Variants in OGFRL1 observed in about 807,000 individuals in gnomAD.
OGFRL1 encodes the protein opioid growth factor receptor-like protein 1.
In OGFRL1, 26 loss-of-function variants were observed where a neutral mutation model predicts 32.4. That is an observed-to-expected ratio of 0.80 (90% CI 0.59 to 1.11). OGFRL1 has a LOEUF of 1.11. Among genes scored for constraint, OGFRL1 ranks in the 50% most tolerant of loss-of-function variants. The pLI is 0.00. For synonymous variants in OGFRL1, 211 were observed against 201.2 expected, an observed-to-expected ratio of 1.05 and a Z score of -0.41; for missense variants, 521 against 546.4, an observed-to-expected ratio of 0.95 and a Z score of 0.46.
intron 1 of OGFRL1, among the ~76,000 whole-genome samples, chr6:71,290,594 T>A (rs1766020039): frequency 6.6e-6 from 1 of 152,244 alleles, no homozygotes; most frequent in Non-Finnish European, 1.5e-5. Context: ...TTTTAATGAT[T>A]AATTTTTCTT....
chr6:71,300,317 T>C (rs1377986663), intron 6 of OGFRL1, among the ~76,000 whole-genome samples: 1 of 152,292 alleles, frequency 6.6e-6, no homozygotes, highest in East Asian at 1.9e-4. Context: ...AAAGCAAAGA[T>C]TGAGCTGAGT....
Position 71,303,103 on chromosome 6 carries a change from A to G in OGFRL1, c.*1054A>G, listed in dbSNP as rs567001568. The G allele has an allele frequency of 6.6e-6, 1 of 152,362 alleles. No homozygotes were observed. Among genetic ancestry groups the G allele is most frequent in the South Asian group, 2.1e-4 (1 of 4,828 alleles). The allele number at this position is 152,362 out of a possible 1,614,324, so 9.4% of individuals were successfully genotyped here. A position where few individuals can be genotyped will look rare whatever the true frequency, so the allele number is the denominator to read the frequency against. ...TTTGTTGGAAAAAATGGATGGTTAC[A>G]TCTCTACTAAATATGTGCAGTCCTT... On this transcript the variant is annotated 3_prime_UTR_variant, in exon 7 of 7. Coordinates refer to ENST00000370435, the MANE Select transcript of OGFRL1 (RefSeq NM_024576.5).
intron 1 of OGFRL1, among the ~76,000 whole-genome samples, chr6:71,292,952 T>C (rs1561946576): frequency 6.6e-6 from 1 of 152,230 alleles, no homozygotes; most frequent in Admixed American, 6.5e-5. Context: ...ATCACTTGCA[T>C]AATCATCTGG....
chr6:71,289,834 T>G, intron 1 of OGFRL1: 1 of 983,190 alleles, frequency 1.0e-6, no homozygotes, highest in South Asian at 4.7e-5. Flanking sequence ...ATAAGCCCCT[T>G]AACCTCTGAT....
chr6:71,294,774 T>TCA (rs1766151975), intron 3 of OGFRL1, among the ~76,000 whole-genome samples: 1 of 152,174 alleles, frequency 6.6e-6, no homozygotes, highest in Admixed American at 6.5e-5. Flanking sequence ...ATTCATTTTG[T>TCA]TAGGACTTGG....
At position 71,297,141 on chromosome 6, in the gene OGFRL1, G is replaced by A. The variant is rs574701797; in HGVS notation, c.692+324G>A. ...TTCTTTGAGTTTATTGTTATTGCTT[G>A]TGTACAATTCTGTGTATTCCTTCTT... On this transcript the variant is annotated intron_variant, in intron 6 of 6. Transcript: ENST00000370435. 2.4e-4 allele frequency among the ~76,000 whole-genome samples: 37 copies of A among 152,222 alleles called. 1 individual carries two copies. The South Asian group carries it at 3.3e-3, about 14-fold the overall frequency.
chr6:71,302,095 C>A lies in OGFRL1; in HGVS notation c.*46C>A. On this transcript the variant is annotated 3_prime_UTR_variant, in exon 7 of 7. Coordinates refer to ENST00000370435, the MANE Select transcript of OGFRL1 (RefSeq NM_024576.5). The stretch of plus-strand genomic sequence containing the variant: ...CCAGTTTAGGCTAGAGAGGAAAAAA[C>A]TACTGTATCATTTATCCTAAAGAAC... 7.0e-7 allele frequency: 1 copy of A among 1,428,876 alleles called. No individual in the cohort carries two copies. The highest frequency in any genetic ancestry group is 9.2e-7 in the Non-Finnish European group (1 of 1,086,558). The allele number at this position is 1,428,876 out of a possible 1,614,324, so 88.5% of individuals were successfully genotyped here.
At chr6:71,291,236 A>G (rs1299300411) in intron 1 of OGFRL1, 1 of 152,270 alleles carries the variant, frequency 6.6e-6, no homozygotes, top group Non-Finnish European at 1.5e-5. Context: ...TTGGGAGGTC[A>G]CCTGAGGTGA....
Position 71,301,499 on chromosome 6 carries a change from A to C in OGFRL1, c.806A>C (p.Glu269Ala). 3 of 1,613,980 alleles carry C rather than the reference A, an allele frequency of 1.9e-6. No individual in the cohort carries two copies. Among genetic ancestry groups the C allele is most frequent in the Non-Finnish European group, 2.5e-6 (3 of 1,179,954 alleles). ...TTTATTCTTCATGAAGCTCTTGTGG[A>C]GAATACTATTCCCAATATTAAGCAG... is the stretch of plus-strand genomic sequence containing the variant. ...VKFILHEALVENTIPNIKQSA... is the reference protein window; with the variant it reads ...VKFILHEALVANTIPNIKQSA... Residue 269 changes from glutamate (E) to alanine (A), a missense_variant, in exon 7 of 7, where the codon GAG becomes GCG. Coordinates refer to ENST00000370435, the MANE Select transcript of OGFRL1 (RefSeq NM_024576.5).
rs1766508017 is a variant in OGFRL1, at chr6:71,305,073, T to C, written c.*3024T>C. ...TTGCAGAAATTCATTGAGAAGCTGT[T>C]ATAAAAAATGCAGTGAAGCATGACC... On this transcript the variant is annotated 3_prime_UTR_variant, in exon 7 of 7. Transcript: ENST00000370435. 6.6e-6 allele frequency: 1 copy of C among 152,066 alleles called. No individual in the cohort carries two copies. The highest frequency in any genetic ancestry group is 2.4e-5 in the African/African-American group (1 of 41,462). The allele number at this position is 152,066 out of a possible 1,614,324, so 9.4% of individuals were successfully genotyped here. A position where few individuals can be genotyped will look rare whatever the true frequency, so the allele number is the denominator to read the frequency against.
At chr6:71,297,154 T>C (rs889091139) in intron 6 of OGFRL1, among the ~76,000 whole-genome samples, 2 of 152,188 alleles carry the variant, frequency 1.3e-5, no homozygotes, top group African/African-American at 4.8e-5. Context: ...TACAATTCTG[T>C]GTATTCCTTC....
At position 71,296,398 on chromosome 6, in the gene OGFRL1, C is replaced by A; in HGVS notation, c.479+3C>A. 6.2e-7 allele frequency: 1 copy of A among 1,608,836 alleles called. No homozygotes were observed. The highest frequency in any genetic ancestry group is 1.1e-5 in the South Asian group (1 of 90,720). On this transcript the variant is annotated splice_donor_region_variant and intron_variant, in intron 4 of 6. Transcript: ENST00000370435. ...CACAACCACACTTACATTCAATGGT[C>A]AGTTACATATTATCTATCTTGAACC...
chr6:71,297,174 G>A (rs1442467474), intron 6 of OGFRL1, among the ~76,000 whole-genome samples: 1 of 152,054 alleles, frequency 6.6e-6, no homozygotes, highest in Non-Finnish European at 1.5e-5. Context: ...CTTGTAGGCT[G>A]TAAGCTTCTT....
intron 1 of OGFRL1, 116 bp from the exon 2 acceptor site, chr6:71,293,177 G>C (rs1766098382): frequency 2.7e-6 from 2 of 744,744 alleles, no homozygotes; most frequent in Non-Finnish European, 4.6e-6. Flanking sequence ...CATTAATCTG[G>C]ACAGATTGAC....
chr6:71,301,801 C>T lies in OGFRL1; in HGVS notation c.1108C>T (p.Pro370Ser), dbSNP rs1766403588. 1 of 1,613,344 alleles carries T rather than the reference C, an allele frequency of 6.2e-7. No individual in the cohort carries two copies. The highest frequency in any genetic ancestry group is 8.5e-7 in the Non-Finnish European group (1 of 1,179,872). ...SKTAEDKKVA[P>S]KEPVEETDRP... ...AACAGCTGAAGACAAAAAAGTGGCA[C>T]CAAAAGAGCCTGTGGAAGAGACAGA... Residue 370 changes from proline (P) to serine (S), a missense_variant, in exon 7 of 7, where the codon CCA becomes TCA. By Grantham distance (74) the Pro-to-Ser change is moderately conservative. Coordinates refer to ENST00000370435, the MANE Select transcript of OGFRL1 (RefSeq NM_024576.5).
At chr6:71,298,757 A>T (rs1766291464) in intron 6 of OGFRL1, among the ~76,000 whole-genome samples, 1 of 152,170 alleles carries the variant, frequency 6.6e-6, no homozygotes, top group Non-Finnish European at 1.5e-5. Context: ...TTAGTTGCAA[A>T]AAATCTTTAC....
intron 1 of OGFRL1, among the ~76,000 whole-genome samples, chr6:71,291,078 G>A (rs1013210794): frequency 2.6e-5 from 4 of 152,194 alleles, no homozygotes; most frequent in Admixed American, 1.3e-4. Context: ...TCCATTTAGA[G>A]GGTATGAAGA....
At position 71,306,954 on chromosome 6, in the gene OGFRL1, T is replaced by G. The variant is rs1766569623; in HGVS notation, c.*4905T>G. ...TTTGAAAAACTTTTATGCTGTAGTC[T>G]CATTAGAATCATTTTAAAAGCACTG... On this transcript the variant is annotated 3_prime_UTR_variant, in exon 7 of 7. Coordinates refer to ENST00000370435, the MANE Select transcript of OGFRL1 (RefSeq NM_024576.5). 1 of 152,212 alleles carries G rather than the reference T, an allele frequency of 6.6e-6. No individual in the cohort carries two copies. The highest frequency in any genetic ancestry group is 2.4e-5 in the African/African-American group (1 of 41,464). 9.4% of individuals were successfully genotyped at this position (152,212 alleles called of 1,614,324 possible).
chr6:71,290,589 A>T (rs553917819), intron 1 of OGFRL1, among the ~76,000 whole-genome samples: 181 of 152,276 alleles, frequency 1.2e-3, no homozygotes, highest in African/African-American at 4.2e-3. Context: ...TTCCCTTTTA[A>T]TGATTAATTT....
Sources: gnomAD v4.1 joint callset for allele counts (sites outside exome capture counted in the v4.1 genomes callset) on GRCh38, gnomAD v4.1.1 for gene constraint, MANE v1.5 for transcripts, NCBI Gene and HGNC (gene_info 2026-07-23, HGNC 2026-07-21) for gene names.